The following KIF1A variants were observed in gnomAD, a reference collection of about 807,000 sequenced individuals.
The protein encoded by KIF1A is kinesin family member 1A, also known as kinesin-like protein KIF1A.
KIF1A carries 46 observed loss-of-function variants against 227.3 expected under a neutral mutation model. The ratio of observed to expected loss-of-function variants is 0.20; its 90% CI spans 0.16 to 0.26. The LOEUF is 0.26. KIF1A is among the 10% of genes least tolerant of loss of function. The pLI, the probability that KIF1A is intolerant of heterozygous loss-of-function variation, is 1.00. For synonymous variants in KIF1A, 1,022 were observed against 1,012.8 expected (o/e 1.01, Z -0.17); for missense variants, 1,683 against 2,485.9 (o/e 0.68, Z 6.87).
intron 40 of KIF1A, chr2:240,724,939 G>GC (rs1345834387): frequency 6.1e-6 from 1 of 164,390 alleles, no homozygotes; most frequent in African/African-American, 2.5e-5. Flanking sequence ...GGCGGCGGGG[G>GC]GGGGGGGGGG....
rs75580783 is a variant in KIF1A, at chr2:240,726,691, G to T, written c.4122+135C>A. On this transcript the variant is annotated intron_variant, in intron 39 of 48. Transcript: ENST00000498729. This position sits in a 1 kb window ranked among gnomAD's most constrained non-coding sequence, Gnocchi z 5.2. ...AGTTTTTGTTTTTGTTTTTTAAAAG[G>T]CACACAAATTTAACCCAGGGACTTG... is the stretch of plus-strand genomic sequence containing the variant. 8.3e-3 allele frequency: 3,949 copies of T among 476,424 alleles called. 140 individuals are homozygous for T. Among genetic ancestry groups the T allele is most frequent in the African/African-American group, 0.07 (3,541 of 50,612 alleles). The allele number at this position is 476,424 out of a possible 1,614,324, so 29.5% of individuals were successfully genotyped here. A position where few individuals can be genotyped will look rare whatever the true frequency, so the allele number is the denominator to read the frequency against.
At chr2:240,744,606 G>T (rs953870823) in intron 32 of KIF1A, among the ~76,000 whole-genome samples, 1 of 152,218 alleles carries the variant, frequency 6.6e-6, no homozygotes, top group Non-Finnish European at 1.5e-5. Flanking sequence ...CACACGCAGA[G>T]GGGGAGGGCC....
intron 1 of KIF1A, among the ~76,000 whole-genome samples, chr2:240,802,364 A>G (rs1326089047): frequency 6.6e-6 from 1 of 152,240 alleles, no homozygotes; most frequent in Non-Finnish European, 1.5e-5. Flanking sequence ...TATGAATCCA[A>G]TAGAAGGCAG....
intron 2 of KIF1A, among the ~76,000 whole-genome samples, chr2:240,796,045 T>G (rs994521007): frequency 6.6e-6 from 1 of 152,176 alleles, no homozygotes; most frequent in African/African-American, 2.4e-5. Context: ...CCCTCCCTGA[T>G]GTCCTGGGTC....
rs1189230289 is a variant in KIF1A at position 240,790,586 on chromosome 2, C to T, written c.107-1274G>A. On this transcript the variant is annotated intron_variant, in intron 2 of 48. Coordinates refer to ENST00000498729, the MANE Select transcript of KIF1A (RefSeq NM_001244008.2). This position sits in a 1 kb window ranked among gnomAD's most constrained non-coding sequence, Gnocchi z 5.0. ...TTTCATATTTTGAAGCCTTTACCCC[C>T]AGTATCTCAGAATGGGACCTCATTT... Among the ~76,000 whole-genome samples, 3 of 151,984 alleles carry T rather than the reference C, an allele frequency of 2.0e-5. No individual in the cohort carries two copies. In the East Asian group the frequency reaches 5.8e-4, roughly 29 times the overall value.
intron 15 of KIF1A, 25 bp downstream of exon 15, chr2:240,770,946 C>G: frequency 6.2e-7 from 1 of 1,607,012 alleles, no homozygotes; most frequent in Non-Finnish European, 8.5e-7. Flanking sequence ...GTCTGACACC[C>G]TGAAGCCCCA....
chr2:240,776,447 C>T (rs759051498), intron 10 of KIF1A, among the ~76,000 whole-genome samples: 11 of 152,256 alleles, frequency 7.2e-5, no homozygotes, highest in Non-Finnish European at 1.5e-4. Context: ...CCATCAAACT[C>T]CCTATGGTCC....
intron 34 of KIF1A, 81 bp downstream of exon 34, chr2:240,742,848 C>A: frequency 7.8e-7 from 1 of 1,283,546 alleles, no homozygotes. Context: ...GGACAGCATT[C>A]ACTGCGGGGG....
intron 1 of KIF1A, among the ~76,000 whole-genome samples, chr2:240,799,588 C>T (rs551921521): frequency 3.3e-5 from 5 of 152,288 alleles, no homozygotes; most frequent in East Asian, 1.9e-4. Flanking sequence ...CCAGCGTGGA[C>T]GGGGGGATGA....
chr2:240,759,622 G>A (rs142730739), intron 25 of KIF1A, among the ~76,000 whole-genome samples: 6 of 151,640 alleles, frequency 4.0e-5, no homozygotes, highest in Non-Finnish European at 5.9e-5. Flanking sequence ...AGGGTGGGGC[G>A]TGCCATGCTC....
At chr2:240,744,574 A>G (rs1205809776) in intron 32 of KIF1A, among the ~76,000 whole-genome samples, 2 of 152,302 alleles carry the variant, frequency 1.3e-5, no homozygotes, top group South Asian at 2.1e-4. Flanking sequence ...GTCCCTATGA[A>G]AAGCGGAAGT....
In KIF1A at chr2:240,742,155, C is replaced by T. The variant is rs572258954; in HGVS notation, c.3640+774G>A. On this transcript the variant is annotated intron_variant, in intron 34 of 48. Transcript: ENST00000498729. Reference sequence around the variant, plus strand: ...CCTCAGCCCGCAAACCTTCATCTTACAGGGGTTCCGAGGACAGGGTCCTTG... The same window carrying T: ...CCTCAGCCCGCAAACCTTCATCTTATAGGGGTTCCGAGGACAGGGTCCTTG... Among the ~76,000 whole-genome samples the T allele has an allele frequency of 4.6e-5, 7 of 152,346 alleles. No homozygotes were observed. In the South Asian group the frequency reaches 1.5e-3, roughly 32 times the overall value.
chr2:240,747,176 A>G, intron 29 of KIF1A, 60 bp downstream of exon 29: 2 of 1,295,778 alleles, frequency 1.5e-6, no homozygotes, highest in South Asian at 1.2e-5. Context: ...AGCAAAGTGC[A>G]CAGGACTCCA....
At chr2:240,777,607 C>A (rs1474034421) in intron 10 of KIF1A, among the ~76,000 whole-genome samples, 1 of 152,202 alleles carries the variant, frequency 6.6e-6, no homozygotes, top group East Asian at 1.9e-4. Flanking sequence ...ACTTGCCGCA[C>A]CAGGCCACCT....
chr2:240,760,530 A>G, intron 25 of KIF1A, 135 bp downstream of exon 25: 1 of 586,642 alleles, frequency 1.7e-6, no homozygotes, highest in East Asian at 3.4e-5. Flanking sequence ...TTCTGATTTT[A>G]AAATAATTGG....
chr2:240,799,045 G>T (rs1441716645), intron 1 of KIF1A, among the ~76,000 whole-genome samples: 1 of 152,196 alleles, frequency 6.6e-6, no homozygotes, highest in East Asian at 1.9e-4. Flanking sequence ...GGGGAATCTG[G>T]CAAAAAGCCC....
At chr2:240,754,067 C>T (rs2049536912) in intron 27 of KIF1A, among the ~76,000 whole-genome samples, 1 of 152,182 alleles carries the variant, frequency 6.6e-6, no homozygotes, top group African/African-American at 2.4e-5. Flanking sequence ...TGTCCTCATG[C>T]TGGGGGCTGG....
Position 240,758,322 on chromosome 2 carries a change from A to G in KIF1A, c.2582+38T>C. ...ACCCCCACTGCCATCTCTCTCTCTC[A>G]ATCTCTCTCTCTGCCAAGGAAGGGA... On this transcript the variant is annotated intron_variant, in intron 26 of 48. Coordinates refer to ENST00000498729, the MANE Select transcript of KIF1A (RefSeq NM_001244008.2). This position sits in a 1 kb window ranked among gnomAD's most constrained non-coding sequence, Gnocchi z 5.2. 6.3e-7 allele frequency: 1 copy of G among 1,590,738 alleles called. No homozygotes were observed. Among genetic ancestry groups the G allele is most frequent in the Non-Finnish European group, 8.6e-7 (1 of 1,168,350 alleles).
chr2:240,772,980 C>T (rs1433906074), intron 13 of KIF1A, 134 bp downstream of exon 13: 11 of 922,090 alleles, frequency 1.2e-5, no homozygotes, highest in Admixed American at 5.5e-5. Flanking sequence ...GCTCTGGGAG[C>T]GGTGTGGAGC....
Sources: allele counts gnomAD v4.1 joint callset (sites outside exome capture counted in the v4.1 genomes callset), GRCh38; gene constraint gnomAD v4.1.1; non-coding constraint Gnocchi (gnomAD v3.1); transcripts MANE v1.5; gene names NCBI Gene and HGNC (gene_info 2026-07-23, HGNC 2026-07-21).